Variants in REELD1 observed in about 807,000 individuals in gnomAD.
REELD1 encodes reelin domain-containing protein 1.
A neutral mutation model predicts 6.3 loss-of-function variants in REELD1; 12 were observed. That is an observed-to-expected ratio of 1.89 (90% confidence interval 1.21 to 3.07). The LOEUF (loss-of-function observed/expected upper bound fraction) is 3.07. Ranked by LOEUF, REELD1 falls within the 30% of genes most tolerant of loss-of-function variation. REELD1 has a pLI of 0.00. For synonymous variants in REELD1, 57 were observed against 33.6 expected (o/e 1.70, Z -2.42); for missense variants, 163 against 86.8 (o/e 1.88, Z -3.49).
intron 5 of REELD1, among the ~76,000 whole-genome samples, chr4:146,224,904 A>G (rs778904645): frequency 3.3e-5 from 5 of 152,358 alleles, no homozygotes; most frequent in African/African-American, 1.2e-4. Context: ...AAAAAACAGC[A>G]TACACCTCTT....
In REELD1 at chr4:146,230,239, G is replaced by A; in HGVS notation, c.1307G>A (p.Gly436Asp). ...IGLEGAQAPL[G>D]IQLRTPQLGI... ...CTAGAGGGAGCCCAGGCCCCTCTGG[G>A]TATCCAGCTCAGAACTCCTCAGCTG... Residue 436 changes from glycine (G) to aspartate (D), a missense_variant, in exon 8 of 8, where the codon GGT becomes GAT. Coordinates refer to ENST00000623665, the MANE Select transcript of REELD1 (RefSeq NM_001354631.1). 1 of 398,818 alleles carries A rather than the reference G, an allele frequency of 2.5e-6. No homozygotes were observed. 24.7% of individuals were successfully genotyped at this position (398,818 alleles called of 1,614,324 possible).
At chr4:146,229,328 A>G (rs1205608614) in intron 7 of REELD1, among the ~76,000 whole-genome samples, 1 of 152,240 alleles carries the variant, frequency 6.6e-6, no homozygotes, top group African/African-American at 2.4e-5. Context: ...TCACTTAGCC[A>G]CAGTTAATAA....
chr4:146,215,456 A>G (rs1346200666), intron 2 of REELD1, among the ~76,000 whole-genome samples: 1 of 152,224 alleles, frequency 6.6e-6, no homozygotes, highest in Non-Finnish European at 1.5e-5. Flanking sequence ...AATTTGAGGT[A>G]TAGATCATAT....
intron 3 of REELD1, among the ~76,000 whole-genome samples, chr4:146,217,475 C>T (rs997171817): frequency 2.6e-5 from 4 of 152,120 alleles, no homozygotes; most frequent in Admixed American, 6.5e-5. Context: ...AGCTCCTGGG[C>T]TCAAGTGAAC....
In REELD1 at chr4:146,230,574, A is replaced by G. The variant is rs1195796929; in HGVS notation, c.*61A>G. 11 of 398,074 alleles carry G rather than the reference A, an allele frequency of 2.8e-5. No individual in the cohort carries two copies. The East Asian group carries it at 3.9e-4, about 14-fold the overall frequency. 24.7% of individuals were successfully genotyped at this position (398,074 alleles called of 1,614,324 possible). On this transcript the variant is annotated 3_prime_UTR_variant, in exon 8 of 8. Transcript: ENST00000623665. ...TTGGGCCCTGGAGAGTGTCCCAGAC[A>G]GAGCAGAGATAATGAGAATAACTGA...
intron 5 of REELD1, among the ~76,000 whole-genome samples, chr4:146,225,593 G>A (rs528943160): frequency 1.7e-4 from 26 of 152,090 alleles, no homozygotes; most frequent in African/African-American, 2.4e-4. Flanking sequence ...TAAAGATCTC[G>A]GAGCCTGAGA....
At position 146,230,790 on chromosome 4, in the gene REELD1, T is replaced by C. The variant is rs1560728152; in HGVS notation, c.*277T>C. The C allele has an allele frequency of 7.8e-6, 2 of 255,098 alleles. No homozygotes were observed. Among genetic ancestry groups the C allele is most frequent in the Non-Finnish European group, 1.5e-5 (2 of 135,024 alleles). The allele number at this position is 255,098 out of a possible 1,614,324, so 15.8% of individuals were successfully genotyped here. On this transcript the variant is annotated 3_prime_UTR_variant, in exon 8 of 8. Coordinates refer to ENST00000623665, the MANE Select transcript of REELD1 (RefSeq NM_001354631.1). ...TAAACTCAACACAATGAATATTGTA[T>C]AACCCGCTCATTAACTAGACCCCTG... is the stretch of plus-strand genomic sequence containing the variant.
chr4:146,231,924 A>G lies in REELD1; in HGVS notation c.*1411A>G, dbSNP rs560153550. 1 of 152,318 alleles carries G rather than the reference A, an allele frequency of 6.6e-6. No individual in the cohort carries two copies. Among genetic ancestry groups the G allele is most frequent in the Admixed American group, 6.5e-5 (1 of 15,294 alleles). 9.4% of individuals were successfully genotyped at this position (152,318 alleles called of 1,614,324 possible). ...TTCCCTGGCTTCAGCCATTAGATGC[A>G]TGGAGACCTAGGTAATTTGTGCATT... On this transcript the variant is annotated 3_prime_UTR_variant, in exon 8 of 8. Coordinates refer to ENST00000623665, the MANE Select transcript of REELD1 (RefSeq NM_001354631.1).
intron 3 of REELD1, among the ~76,000 whole-genome samples, chr4:146,221,881 C>CT (rs1003383685): frequency 5.3e-5 from 8 of 151,992 alleles, no homozygotes; most frequent in Admixed American, 2.0e-4. Context: ...TATTACTAAG[C>CT]TTTTTTTATT....
In REELD1 at chr4:146,230,613, T is replaced by C; in HGVS notation, c.*100T>C. The C allele has an allele frequency of 2.5e-6, 1 of 397,468 alleles. No individual in the cohort carries two copies. Among genetic ancestry groups the C allele is most frequent in the Non-Finnish European group, 4.4e-6 (1 of 225,876 alleles). 24.6% of individuals were successfully genotyped at this position (397,468 alleles called of 1,614,324 possible). A position where few individuals can be genotyped will look rare whatever the true frequency, so the allele number is the denominator to read the frequency against. On this transcript the variant is annotated 3_prime_UTR_variant, in exon 8 of 8. Transcript: ENST00000623665. ...GAGAATAACTGATGAAGACAGGGAC[T>C]CATTGTGCCTCTGTCAATGTGCAGT...
intron 7 of REELD1, 77 bp downstream of exon 7, chr4:146,229,165 A>C (rs1163836204): frequency 1.5e-6 from 1 of 683,112 alleles, no homozygotes; most frequent in East Asian, 2.7e-5. Flanking sequence ...CTGGGAAATC[A>C]GAGCTATTAG....
intron 5 of REELD1, among the ~76,000 whole-genome samples, chr4:146,225,174 T>C (rs1393986316): frequency 6.6e-6 from 1 of 151,994 alleles, no homozygotes; most frequent in Non-Finnish European, 1.5e-5. Context: ...GTCCATGAAC[T>C]CCTGAAAAAA....
intron 4 of REELD1, 60 bp from the exon 5 acceptor site, chr4:146,224,385 T>C: frequency 3.9e-6 from 2 of 514,916 alleles, no homozygotes; most frequent in Non-Finnish European, 6.9e-6. Context: ...GAGGCTGGCC[T>C]GAGTTATTAT....
rs1309267432 is a variant in REELD1 at position 146,222,349 on chromosome 4, T to C, written c.209-8T>C. ...CGTGTTCATGTTGAACGGGTGTTTT[T>C]GTTGCAGTGACAGTGAGAAGCAGTC... On this transcript the variant is annotated splice_region_variant and splice_polypyrimidine_tract_variant and intron_variant, in intron 3 of 7. Coordinates refer to ENST00000623665, the MANE Select transcript of REELD1 (RefSeq NM_001354631.1). 4 of 398,532 alleles carry C rather than the reference T, an allele frequency of 1.0e-5. No homozygotes were observed. Among genetic ancestry groups the C allele is most frequent in the South Asian group, 1.3e-4 (1 of 7,858 alleles). 24.7% of individuals were successfully genotyped at this position (398,532 alleles called of 1,614,324 possible).
chr4:146,231,723 A>G lies in REELD1; in HGVS notation c.*1210A>G, dbSNP rs555153588. 3.3e-5 allele frequency among the ~76,000 whole-genome samples: 5 copies of G among 152,368 alleles called. No individual in the cohort carries two copies. Among genetic ancestry groups the G allele is most frequent in the African/African-American group, 9.6e-5 (4 of 41,584 alleles). ...AACTCTCACAAAAATTTAATGAGGA[A>G]TAAGTTCAGTAGCTTTCCAAGGAGA... On this transcript the variant is annotated 3_prime_UTR_variant, in exon 8 of 8. Transcript: ENST00000623665.
chr4:146,228,162 G>T, intron 5 of REELD1, 48 bp from the exon 6 acceptor site: 1 of 674,114 alleles, frequency 1.5e-6, no homozygotes, highest in South Asian at 1.6e-5. Context: ...AATCGATGCG[G>T]GGAAAATGCT....
chr4:146,224,480 C>T lies in REELD1; in HGVS notation c.467C>T (p.Ala156Val). 1.5e-6 allele frequency: 1 copy of T among 676,558 alleles called. No individual in the cohort carries two copies. The highest frequency in any genetic ancestry group is 2.7e-6 in the Non-Finnish European group (1 of 368,548). 41.9% of individuals were successfully genotyped at this position (676,558 alleles called of 1,614,324 possible). A position where few individuals can be genotyped will look rare whatever the true frequency, so the allele number is the denominator to read the frequency against. Reference sequence around the variant, plus strand: ...GTCCAGTCATATTTTGTTTACTGGGCAAGGATTGAATCATCTGTTGTGTCT... The same window carrying T: ...GTCCAGTCATATTTTGTTTACTGGGTAAGGATTGAATCATCTGTTGTGTCT... Reference protein sequence around the residue: ...SVVQSYFVYWARIESSVVSQQ... With the variant: ...SVVQSYFVYWVRIESSVVSQQ... The change falls in exon 5 of 8, where the codon GCA (alanine) becomes GTA (valine). Residue 156 changes from alanine to valine, a missense_variant. Physicochemically the swap from Ala to Val is moderately conservative, Grantham distance 64. Coordinates refer to ENST00000623665, the MANE Select transcript of REELD1 (RefSeq NM_001354631.1).
intron 2 of REELD1, among the ~76,000 whole-genome samples, chr4:146,215,782 G>A (rs961885698): frequency 1.4e-5 from 2 of 139,662 alleles, no homozygotes; most frequent in African/African-American, 5.4e-5. Context: ...ATAGAGTCTC[G>A]CTCTTTTGCC....
intron 6 of REELD1, 145 bp from the exon 7 acceptor site, chr4:146,228,880 C>A: frequency 3.3e-6 from 2 of 598,444 alleles, no homozygotes; most frequent in East Asian, 5.6e-5. Context: ...CTCTCCCCTT[C>A]CTCTTCTCTA....
Sources: gnomAD v4.1 joint callset for allele counts (sites outside exome capture counted in the v4.1 genomes callset) on GRCh38, gnomAD v4.1.1 for gene constraint, MANE v1.5 for transcripts, NCBI Gene and HGNC (gene_info 2026-07-23, HGNC 2026-07-21) for gene names.